Variants in ACOXL observed in about 807,000 individuals in gnomAD.
ACOXL encodes the protein acyl-CoA oxidase like.
Under a neutral mutation model 71.9 loss-of-function variants are expected in ACOXL, and 70 were observed. That is an observed-to-expected ratio of 0.97 (90% CI 0.80 to 1.19). The LOEUF is 1.19. Among genes scored for constraint, ACOXL ranks in the 50% most tolerant of loss-of-function variants. The pLI, the probability that ACOXL is intolerant of heterozygous loss-of-function variation, is 0.00. For synonymous variants in ACOXL, 253 were observed against 281.6 expected (o/e 0.90, Z 1.02); for missense variants, 703 against 736.3 (o/e 0.95, Z 0.52).
intron 1 of ACOXL, among the ~76,000 whole-genome samples, chr2:110,742,186 A>G (rs1252721206): frequency 5.3e-5 from 8 of 152,208 alleles, no homozygotes; most frequent in Non-Finnish European, 1.0e-4. Context: ...ATAGGAGAAC[A>G]AAGCATGTTT....
intron 10 of ACOXL, among the ~76,000 whole-genome samples, chr2:110,878,174 C>A (rs1443926634): frequency 6.6e-6 from 1 of 152,032 alleles, no homozygotes; most frequent in Non-Finnish European, 1.5e-5. Flanking sequence ...TTTCAAGAAG[C>A]AAAAGAAGGT....
chr2:111,088,916 G>C (rs140440072), intron 16 of ACOXL, among the ~76,000 whole-genome samples: 42 of 152,244 alleles, frequency 2.8e-4, no homozygotes, highest in African/African-American at 9.6e-4. Flanking sequence ...TCACTAGAAG[G>C]CTGCCTAGTT....
chr2:110,886,380 C>CTTTTTT (rs751607372), intron 10 of ACOXL, among the ~76,000 whole-genome samples: 4 of 131,494 alleles, frequency 3.0e-5, no homozygotes, highest in Non-Finnish European at 4.8e-5. Context: ...CCTTCTTTTT[C>CTTTTTT]TTTTTTTTTT....
At chr2:110,777,363 A>G (rs2105089623) in intron 2 of ACOXL, among the ~76,000 whole-genome samples, 1 of 152,356 alleles carries the variant, frequency 6.6e-6, no homozygotes, top group African/African-American at 2.4e-5. Flanking sequence ...CATTTTACAT[A>G]CATTACTCCA....
chr2:110,858,661 G>A (rs2148968272), intron 10 of ACOXL, among the ~76,000 whole-genome samples: 1 of 152,344 alleles, frequency 6.6e-6, no homozygotes, highest in Admixed American at 6.5e-5. Context: ...CAGAGAGTCA[G>A]ATGTAACAAG....
chr2:110,756,079 C>T (rs1020579850), intron 1 of ACOXL, among the ~76,000 whole-genome samples: 9 of 151,948 alleles, frequency 5.9e-5, no homozygotes, highest in South Asian at 2.1e-4. Context: ...ATAAGGAATT[C>T]GGGTGTTAAT....
intron 14 of ACOXL, chr2:111,016,589 G>T (rs2064446907): frequency 6.6e-6 from 1 of 152,258 alleles, no homozygotes; most frequent in Non-Finnish European, 1.5e-5. Flanking sequence ...TACACCTACT[G>T]GGGGAAGAAG....
At chr2:110,869,104 C>G (rs962509628) in intron 10 of ACOXL, among the ~76,000 whole-genome samples, 1 of 152,090 alleles carries the variant, frequency 6.6e-6, no homozygotes, top group Admixed American at 6.6e-5. Flanking sequence ...TACTGTTTGC[C>G]CTCTTTGTAG....
chr2:110,734,299 T>G (rs538617609), intron 1 of ACOXL, among the ~76,000 whole-genome samples: 1 of 152,086 alleles, frequency 6.6e-6, no homozygotes, highest in East Asian at 1.9e-4. Flanking sequence ...AGACGGAGTC[T>G]GACTCTGTTG....
intron 1 of ACOXL, among the ~76,000 whole-genome samples, chr2:110,734,903 G>A (rs1676647643): frequency 6.7e-6 from 1 of 150,284 alleles, no homozygotes; most frequent in South Asian, 2.1e-4. Context: ...ACTTACATTT[G>A]TTCATCTACA....
chr2:110,988,928 C>T (rs1229976121), intron 13 of ACOXL, among the ~76,000 whole-genome samples: 7 of 138,306 alleles, frequency 5.1e-5, no homozygotes, highest in East Asian at 2.3e-4. Context: ...GCTCTTTATC[C>T]TTTGTTGTTA....
chr2:111,008,327 T>C (rs928475936), intron 14 of ACOXL, among the ~76,000 whole-genome samples: 3 of 152,204 alleles, frequency 2.0e-5, no homozygotes, highest in African/African-American at 7.2e-5. Flanking sequence ...GAGCTACCAC[T>C]CTTTCCTCAT....
At chr2:110,738,663 T>C (rs1411265940) in intron 1 of ACOXL, among the ~76,000 whole-genome samples, 2 of 152,214 alleles carry the variant, frequency 1.3e-5, no homozygotes, top group Non-Finnish European at 2.9e-5. Context: ...TAGAATTTCA[T>C]GATGGGGTGG....
chr2:111,018,712 G>GT (rs1196163642), intron 14 of ACOXL, among the ~76,000 whole-genome samples: 1 of 105,282 alleles, frequency 9.5e-6, no homozygotes, highest in Non-Finnish European at 1.7e-5. Flanking sequence ...AGAGGCTGGA[G>GT]GGGGTGTTGG....
At chr2:111,088,542 A>T (rs2068345599) in intron 16 of ACOXL, among the ~76,000 whole-genome samples, 4 of 152,218 alleles carry the variant, frequency 2.6e-5, no homozygotes, top group Admixed American at 2.6e-4. Flanking sequence ...CAGAAAACCA[A>T]GTACTGCTTG....
At chr2:111,008,992 G>A (rs2064005271) in intron 14 of ACOXL, among the ~76,000 whole-genome samples, 1 of 152,094 alleles carries the variant, frequency 6.6e-6, no homozygotes, top group Non-Finnish European at 1.5e-5. Context: ...ATTAAGAATT[G>A]TAGCCTTTTG....
chr2:110,904,705 A>G (rs191229208), intron 10 of ACOXL, among the ~76,000 whole-genome samples: 64 of 152,306 alleles, frequency 4.2e-4, no homozygotes, highest in African/African-American at 1.5e-3. Flanking sequence ...GTTAGAAGGG[A>G]GAGGGCATGA....
chr2:111,006,074 A>G (rs2063858265), intron 14 of ACOXL, among the ~76,000 whole-genome samples: 1 of 152,238 alleles, frequency 6.6e-6, no homozygotes, highest in Non-Finnish European at 1.5e-5. Context: ...GACAGGAAAT[A>G]AAATTAGTAA....
At chr2:110,879,015 C>T (rs372069745) in intron 10 of ACOXL, among the ~76,000 whole-genome samples, 1 of 151,392 alleles carries the variant, frequency 6.6e-6, no homozygotes, top group Non-Finnish European at 1.5e-5. Context: ...TGAGATCACG[C>T]CACTACCCTC....
Sources: gnomAD v4.1 joint callset for allele counts (sites outside exome capture counted in the v4.1 genomes callset) on GRCh38, gnomAD v4.1.1 for gene constraint, MANE v1.5 for transcripts, NCBI Gene and HGNC (gene_info 2026-07-23, HGNC 2026-07-21) for gene names.